LEMD1: variants seen among roughly 807,000 people sequenced by gnomAD.
LEMD1 encodes LEM domain-containing protein 1.
A neutral mutation model predicts 17.4 loss-of-function variants in LEMD1; 18 were observed. That is an observed-to-expected ratio of 1.04 (90% CI 0.72 to 1.54). LEMD1 has a LOEUF of 1.54. Ranked by LOEUF, LEMD1 falls within the 40% of genes most tolerant of loss-of-function variation. LEMD1 has a pLI of 0.00. For synonymous variants in LEMD1, 88 were observed against 77.8 expected, an observed-to-expected ratio of 1.13 and a Z score of -0.69; for missense variants, 195 against 210.4, an observed-to-expected ratio of 0.93 and a Z score of 0.45.
chr1:205,387,571 G>A (rs939255705), intron 4 of LEMD1: 13 of 152,162 alleles, frequency 8.5e-5, no homozygotes, highest in Non-Finnish European at 2.9e-5. Context: ...TAAAGCAGTG[G>A]CTCAGTGAGG....
chr1:205,389,161 GC>G (rs1664210992), intron 4 of LEMD1, among the ~76,000 whole-genome samples: 1 of 142,468 alleles, frequency 7.0e-6, no homozygotes, highest in Non-Finnish European at 1.5e-5. Context: ...CAATTCTCCT[GC>G]CTCAGCCTCC....
At chr1:205,401,018 A>T (rs1664823877) in intron 4 of LEMD1, among the ~76,000 whole-genome samples, 1 of 151,772 alleles carries the variant, frequency 6.6e-6, no homozygotes, top group African/African-American at 2.4e-5. Context: ...CCTACAAAGG[A>T]CATGAACTCA....
chr1:205,418,951 C>T (rs969238367), intron 3 of LEMD1, among the ~76,000 whole-genome samples: 25 of 152,244 alleles, frequency 1.6e-4, no homozygotes, highest in Non-Finnish European at 3.2e-4. Context: ...GATTGTAAGG[C>T]ATCACCACAC....
At chr1:205,416,469 C>G (rs372303228) in intron 3 of LEMD1, among the ~76,000 whole-genome samples, 173 bp from the exon 4 acceptor site, 13 of 152,150 alleles carry the variant, frequency 8.5e-5, no homozygotes, top group East Asian at 1.9e-4. Context: ...GCTGGAGCAG[C>G]CTTTGTGAAA....
intron 4 of LEMD1, among the ~76,000 whole-genome samples, chr1:205,411,759 G>A (rs908231791): frequency 6.6e-6 from 1 of 152,242 alleles, no homozygotes; most frequent in Non-Finnish European, 1.5e-5. Context: ...CTTGGGCCCA[G>A]ACCCACAGAA....
Position 205,384,365 on chromosome 1 carries a change from C to G in LEMD1, c.271-1G>C. 1.3e-6 allele frequency: 2 copies of G among 1,497,678 alleles called. No homozygotes were observed. Among genetic ancestry groups the G allele is most frequent in the East Asian group, 2.6e-5 (1 of 38,278 alleles). 92.8% of individuals were successfully genotyped at this position (1,497,678 alleles called of 1,614,324 possible). A position where few individuals can be genotyped will look rare whatever the true frequency, so the allele number is the denominator to read the frequency against. On this transcript the variant is annotated splice_acceptor_variant, in intron 4 of 5. Coordinates refer to ENST00000367153, the MANE Select transcript of LEMD1 (RefSeq NM_001199050.2). LOFTEE classifies it high-confidence loss of function. ...GTTTAGTGGTGGAAGCCTCAGGCCA[C>G]TGATAAACAGAAAGAAAATGTCAAG...
intron 4 of LEMD1, among the ~76,000 whole-genome samples, chr1:205,398,094 T>A (rs1664673948): frequency 6.6e-6 from 1 of 152,174 alleles, no homozygotes; most frequent in African/African-American, 2.4e-5. Flanking sequence ...ACAGGAAGAA[T>A]GTTAAATTAC....
chr1:205,439,407 C>T (rs1047448544), intron 1 of LEMD1, among the ~76,000 whole-genome samples: 30 of 152,242 alleles, frequency 2.0e-4, no homozygotes, highest in Admixed American at 9.8e-4. Context: ...ATAAAGACAA[C>T]CTGAATCCCA....
chr1:205,425,008 T>C (rs929756376), upstream of LEMD1, among the ~76,000 whole-genome samples: 21 of 152,174 alleles, frequency 1.4e-4, no homozygotes, highest in Admixed American at 1.2e-3. Context: ...ATGAATGATT[T>C]AGAAGGCAGA....
intron 1 of LEMD1, among the ~76,000 whole-genome samples, chr1:205,430,804 C>T (rs918840904): frequency 1.3e-5 from 2 of 152,222 alleles, no homozygotes; most frequent in Non-Finnish European, 2.9e-5. Context: ...CGCAGTGGGG[C>T]GCCCCGCCCC....
chr1:205,411,421 G>A (rs538490361), intron 4 of LEMD1, among the ~76,000 whole-genome samples: 3 of 152,070 alleles, frequency 2.0e-5, no homozygotes, highest in South Asian at 2.1e-4. Flanking sequence ...CGGGCGTGGT[G>A]GCGGGCGCAT....
At chr1:205,382,705 A>G (rs1663777820) in intron 5 of LEMD1, among the ~76,000 whole-genome samples, 1 of 152,226 alleles carries the variant, frequency 6.6e-6, no homozygotes, top group South Asian at 2.1e-4. Flanking sequence ...CAGGCCTTGC[A>G]GATCCCCAAG....
At chr1:205,383,257 C>T (rs1188239407) in intron 5 of LEMD1, among the ~76,000 whole-genome samples, 5 of 152,102 alleles carry the variant, frequency 3.3e-5, no homozygotes, top group African/African-American at 1.2e-4. Flanking sequence ...CCATGCCTGG[C>T]TAATTTTTAA....
At chr1:205,449,952 C>G (rs1666467403), upstream of LEMD1, 1 of 152,762 alleles carries the variant, frequency 6.5e-6, no homozygotes, top group African/African-American at 2.4e-5. Flanking sequence ...CAGGCAGCCA[C>G]TCACTCCTCC....
intron 1 of LEMD1, chr1:205,436,936 G>A (rs1001567845): frequency 2.0e-5 from 3 of 152,428 alleles, no homozygotes; most frequent in African/African-American, 7.2e-5. Context: ...AGGTAGGGAG[G>A]AAATGGGACT....
At chr1:205,413,805 A>G (rs1203571522) in intron 4 of LEMD1, among the ~76,000 whole-genome samples, 1 of 151,564 alleles carries the variant, frequency 6.6e-6, no homozygotes, top group Non-Finnish European at 1.5e-5. Flanking sequence ...GACACATGCC[A>G]CCATGCCCAG....
chr1:205,406,395 C>T (rs972175350), intron 4 of LEMD1, among the ~76,000 whole-genome samples: 8 of 152,234 alleles, frequency 5.3e-5, no homozygotes, highest in South Asian at 2.1e-4. Flanking sequence ...TTTACCTAAG[C>T]GAGCCTGGGC....
intron 1 of LEMD1, among the ~76,000 whole-genome samples, chr1:205,439,907 A>T (rs1040859396): frequency 1.4e-5 from 2 of 145,534 alleles, no homozygotes; most frequent in Admixed American, 1.4e-4. Flanking sequence ...TTTGCTTCCT[A>T]CCTCCTGGAA....
chr1:205,420,997 C>T (rs370506120), intron 1 of LEMD1, among the ~76,000 whole-genome samples: 125 of 151,094 alleles, frequency 8.3e-4, no homozygotes, highest in African/African-American at 2.9e-3. Flanking sequence ...TTATCCCTGC[C>T]CTCCTTTTGA....
Sources: allele counts gnomAD v4.1 joint callset (sites outside exome capture counted in the v4.1 genomes callset), GRCh38; gene constraint gnomAD v4.1.1; transcripts MANE v1.5; gene names NCBI Gene and HGNC (gene_info 2026-07-23, HGNC 2026-07-21).